The following RAB23 variants were observed in gnomAD, a reference collection of about 807,000 sequenced individuals.
RAB23 encodes ras-related protein Rab-23.
RAB23 carries 15 observed loss-of-function variants against 30.0 expected under a neutral mutation model. The ratio of observed to expected loss-of-function variants is 0.50; its 90% CI spans 0.33 to 0.77. The LOEUF is 0.77. Ranked by LOEUF, RAB23 falls within the 30% of genes least tolerant of loss-of-function variation. The probability of loss-of-function intolerance (pLI) is 0.02; values close to 1 mark genes in which losing one functional copy is unlikely to be tolerated. For missense variants in RAB23, 243 were observed against 275.4 expected (o/e 0.88, Z 0.83); for synonymous variants, 93 against 94.0 (o/e 0.99, Z 0.06).
rs1764784476 is a variant in RAB23, at chr6:57,190,188, CTG to C, written c.*271_*272del. 3 of 368,718 alleles carry C rather than the reference CTG, an allele frequency of 8.1e-6. No individual in the cohort carries two copies. Among genetic ancestry groups the C allele is most frequent in the Non-Finnish European group, 1.5e-5 (3 of 201,152 alleles). The allele number at this position is 368,718 out of a possible 1,614,324, so 22.8% of individuals were successfully genotyped here. ...TCCAGCATTTAAAATTCCGCAAAAC[CTG>C]TGTTTGAAATTTCTTATAGCATTCC... On this transcript the variant is annotated 3_prime_UTR_variant, in exon 7 of 7. Transcript: ENST00000468148.
chr6:57,191,508 T>C (rs1433542908), intron 6 of RAB23, among the ~76,000 whole-genome samples: 1 of 150,806 alleles, frequency 6.6e-6, no homozygotes, highest in Non-Finnish European at 1.5e-5. Flanking sequence ...GGAGTGCAGT[T>C]GTGTGATTTT....
chr6:57,215,952 G>A (rs901767345), intron 1 of RAB23, among the ~76,000 whole-genome samples: 7 of 152,054 alleles, frequency 4.6e-5, no homozygotes, highest in Admixed American at 2.0e-4. Context: ...TAAATTATGG[G>A]GATAAATCAC....
At chr6:57,210,867 T>C (rs1294959691) in intron 1 of RAB23, among the ~76,000 whole-genome samples, 1 of 152,222 alleles carries the variant, frequency 6.6e-6, no homozygotes, top group African/African-American at 2.4e-5. Flanking sequence ...CTTAGCATAG[T>C]GAAAGTTATG....
chr6:57,212,847 G>C (rs1361340279), intron 1 of RAB23, among the ~76,000 whole-genome samples: 1 of 152,078 alleles, frequency 6.6e-6, no homozygotes, highest in African/African-American at 2.4e-5. Context: ...CTGTACCAGT[G>C]CACTTCAGCT....
rs1261886648 is a variant in RAB23 at position 57,188,358 on chromosome 6, T to C, written c.*2103A>G. ...GTAACAAAGCTCTCTCTTCAGTTCT[T>C]ATTTAAAAAAAGATAAAACTAGGTA... On this transcript the variant is annotated 3_prime_UTR_variant, in exon 7 of 7. Coordinates refer to ENST00000468148, the MANE Select transcript of RAB23 (RefSeq NM_016277.5). 1.3e-5 allele frequency: 2 copies of C among 152,164 alleles called. No individual in the cohort carries two copies. The highest frequency in any genetic ancestry group is 4.8e-5 in the African/African-American group (2 of 41,458). The allele number at this position is 152,164 out of a possible 1,614,324, so 9.4% of individuals were successfully genotyped here. A position where few individuals can be genotyped will look rare whatever the true frequency, so the allele number is the denominator to read the frequency against.
intron 2 of RAB23, among the ~76,000 whole-genome samples, chr6:57,209,102 A>C (rs567875582): frequency 6.6e-6 from 1 of 152,308 alleles, no homozygotes; most frequent in African/African-American, 2.4e-5. Flanking sequence ...AAAAGCACAA[A>C]ATGTAAAAAA....
rs1195350398 is a variant in RAB23, at chr6:57,188,946, T to TAAAAC, written c.*1510_*1514dup. The TAAAAC allele has an allele frequency of 1.3e-5, 2 of 152,098 alleles. No individual in the cohort carries two copies. The highest frequency in any genetic ancestry group is 4.8e-5 in the African/African-American group (2 of 41,424). The allele number at this position is 152,098 out of a possible 1,614,324, so 9.4% of individuals were successfully genotyped here. A position where few individuals can be genotyped will look rare whatever the true frequency, so the allele number is the denominator to read the frequency against. ...AAAGATAAAACACAAAAGGAGTACA[T>TAAAAC]AAAACATTGTTTAGTACAAATAATG... On this transcript the variant is annotated 3_prime_UTR_variant, in exon 7 of 7. Coordinates refer to ENST00000468148, the MANE Select transcript of RAB23 (RefSeq NM_016277.5).
chr6:57,193,775 T>G, intron 6 of RAB23, 67 bp downstream of exon 6: 9 of 1,561,260 alleles, frequency 5.8e-6, no homozygotes, highest in Non-Finnish European at 7.8e-6. Context: ...CTGAAAGAAA[T>G]GAGCATATTA....
chr6:57,203,705 T>A (rs1007474689), intron 3 of RAB23, among the ~76,000 whole-genome samples: 1 of 152,230 alleles, frequency 6.6e-6, no homozygotes, highest in African/African-American at 2.4e-5. Context: ...CATAATTTGA[T>A]ACAAATATCA....
chr6:57,193,988 C>A, intron 5 of RAB23, 54 bp from the exon 6 acceptor site: 1 of 1,575,512 alleles, frequency 6.3e-7, no homozygotes, highest in Non-Finnish European at 8.6e-7. Flanking sequence ...GCATGTAAAT[C>A]TGTTATTTCA....
In RAB23 at chr6:57,187,255, G is replaced by A. The variant is rs1764637162; in HGVS notation, c.*3206C>T. The A allele has an allele frequency of 1.3e-5, 2 of 152,284 alleles. No homozygotes were observed. The highest frequency in any genetic ancestry group is 4.1e-4 in the South Asian group (2 of 4,832). 9.4% of individuals were successfully genotyped at this position (152,284 alleles called of 1,614,324 possible). A position where few individuals can be genotyped will look rare whatever the true frequency, so the allele number is the denominator to read the frequency against. Reference sequence around the variant, plus strand: ...ACTGTAGATATTTCGAGAGACAGATGAAAATAATAATAATAAAGATTATTA... The same window carrying A: ...ACTGTAGATATTTCGAGAGACAGATAAAAATAATAATAATAAAGATTATTA... On this transcript the variant is annotated 3_prime_UTR_variant, in exon 7 of 7. Transcript: ENST00000468148.
chr6:57,193,727 T>G, intron 6 of RAB23, 115 bp downstream of exon 6: 4 of 1,389,848 alleles, frequency 2.9e-6, no homozygotes, highest in Non-Finnish European at 3.9e-6. Context: ...CTTAAATCAC[T>G]GACTTAATAG....
chr6:57,187,221 T>TAACA lies in RAB23; in HGVS notation c.*3236_*3239dup, dbSNP rs915608715. ...TTTTTGCTTTTAAAAGACCATTTAC[T>TAACA]AACATCCTACTGTAGATATTTCGAG... On this transcript the variant is annotated 3_prime_UTR_variant, in exon 7 of 7. Coordinates refer to ENST00000468148, the MANE Select transcript of RAB23 (RefSeq NM_016277.5). 2.0e-5 allele frequency: 3 copies of TAACA among 152,210 alleles called. No individual in the cohort carries two copies. The highest frequency in any genetic ancestry group is 6.5e-5 in the Admixed American group (1 of 15,272). The allele number at this position is 152,210 out of a possible 1,614,324, so 9.4% of individuals were successfully genotyped here.
chr6:57,197,138 C>A (rs1765053702), intron 3 of RAB23, among the ~76,000 whole-genome samples: 1 of 151,978 alleles, frequency 6.6e-6, no homozygotes, highest in African/African-American at 2.4e-5. Flanking sequence ...ATTCTATTCA[C>A]TTTTTAAATA....
At chr6:57,212,834 T>G (rs935363216) in intron 1 of RAB23, among the ~76,000 whole-genome samples, 1 of 151,938 alleles carries the variant, frequency 6.6e-6, no homozygotes, top group Non-Finnish European at 1.5e-5. Flanking sequence ...CAGTGAGCCA[T>G]GACTGTACCA....
chr6:57,196,937 A>C (rs1009738005), intron 3 of RAB23, among the ~76,000 whole-genome samples: 2 of 152,226 alleles, frequency 1.3e-5, no homozygotes, highest in Admixed American at 1.3e-4. Flanking sequence ...GGAATACCAT[A>C]AAATACTGAT....
intron 3 of RAB23, among the ~76,000 whole-genome samples, chr6:57,205,224 ATATGTGTGTGTGTATG>A (rs1765416514): frequency 6.6e-6 from 1 of 151,808 alleles, no homozygotes; most frequent in East Asian, 1.9e-4. Context: ...GTGTGTGTAT[ATATGTGTGTGTGTATG>A]TATGTGTGTG....
intron 1 of RAB23, chr6:57,221,206 T>C (rs559666652): frequency 1.3e-5 from 2 of 152,304 alleles, no homozygotes; most frequent in Admixed American, 1.3e-4. Context: ...AAAAACTTCT[T>C]AGGGTCAATG....
rs1764733231 is a variant in RAB23, at chr6:57,189,163, T to A, written c.*1298A>T. On this transcript the variant is annotated 3_prime_UTR_variant, in exon 7 of 7. Coordinates refer to ENST00000468148, the MANE Select transcript of RAB23 (RefSeq NM_016277.5). ...ACTGTCCCAAGTGACAAAATTTATG[T>A]CCTGACACATGATTACATATTAAAT... 1 of 152,210 alleles carries A rather than the reference T, an allele frequency of 6.6e-6. No homozygotes were observed. Among genetic ancestry groups the A allele is most frequent in the Non-Finnish European group, 1.5e-5 (1 of 68,028 alleles). 9.4% of individuals were successfully genotyped at this position (152,210 alleles called of 1,614,324 possible).
Sources: allele counts gnomAD v4.1 joint callset (sites outside exome capture counted in the v4.1 genomes callset), GRCh38; gene constraint gnomAD v4.1.1; transcripts MANE v1.5; gene names NCBI Gene and HGNC (gene_info 2026-07-23, HGNC 2026-07-21).